The following DOCK1 variants were observed in gnomAD, a reference collection of about 807,000 sequenced individuals.
DOCK1 encodes the protein dedicator of cytokinesis 1.
Under a neutral mutation model 262.7 loss-of-function variants are expected in DOCK1, and 138 were observed. That is an observed-to-expected ratio of 0.53 (90% confidence interval 0.46 to 0.61). The LOEUF is 0.61. Ranked by LOEUF, DOCK1 falls within the 20% of genes least tolerant of loss-of-function variation. The probability of loss-of-function intolerance (pLI) is 0.00; values close to 1 mark genes in which losing one functional copy is unlikely to be tolerated. For synonymous variants in DOCK1, 866 were observed against 867.4 expected, an observed-to-expected ratio of 1.00 and a Z score of 0.03; for missense variants, 1,908 against 2,370.7, an observed-to-expected ratio of 0.80 and a Z score of 4.05.
At chr10:126,919,693 C>T (rs1006459657) in intron 1 of DOCK1, among the ~76,000 whole-genome samples, 1 of 152,202 alleles carries the variant, frequency 6.6e-6, no homozygotes, top group Non-Finnish European at 1.5e-5. Flanking sequence ...TGGATGACCC[C>T]CCGATCCCGC....
At chr10:127,168,298 C>T (rs963664363) in intron 27 of DOCK1, among the ~76,000 whole-genome samples, 1 of 152,168 alleles carries the variant, frequency 6.6e-6, no homozygotes, top group African/African-American at 2.4e-5. Context: ...AGAGAGACAT[C>T]GAAACTGATT....
chr10:126,945,658 T>A (rs1221433810), intron 1 of DOCK1, among the ~76,000 whole-genome samples: 1 of 152,196 alleles, frequency 6.6e-6, no homozygotes, highest in Non-Finnish European at 1.5e-5. Flanking sequence ...AGTCAAATAC[T>A]CTTTACCTGT....
At chr10:127,180,886 G>C (rs992510602) in intron 27 of DOCK1, among the ~76,000 whole-genome samples, 2 of 152,188 alleles carry the variant, frequency 1.3e-5, no homozygotes, top group African/African-American at 2.4e-5. Context: ...CATCGTTGTG[G>C]TATTAAGATA....
chr10:126,992,789 G>C (rs28473612), intron 6 of DOCK1, among the ~76,000 whole-genome samples: 33 of 147,384 alleles, frequency 2.2e-4, no homozygotes, highest in African/African-American at 8.1e-4. Flanking sequence ...CACACACACA[G>C]ACACACACAC....
intron 35 of DOCK1, among the ~76,000 whole-genome samples, chr10:127,374,721 G>A (rs562918110): frequency 6.6e-6 from 1 of 152,152 alleles, no homozygotes; most frequent in Non-Finnish European, 1.5e-5. Context: ...TCCAATGACA[G>A]GTGTCCTCAT....
At chr10:127,264,561 C>T (rs1406570166) in intron 29 of DOCK1, among the ~76,000 whole-genome samples, 1 of 152,114 alleles carries the variant, frequency 6.6e-6, no homozygotes. Flanking sequence ...AAGCTGACTG[C>T]AGGATAAAAC....
intron 27 of DOCK1, among the ~76,000 whole-genome samples, chr10:127,243,191 G>A (rs1365587116): frequency 3.9e-5 from 6 of 152,114 alleles, no homozygotes; most frequent in African/African-American, 1.4e-4. Flanking sequence ...AGCTCCTCAA[G>A]AATATGAATT....
intron 23 of DOCK1, among the ~76,000 whole-genome samples, chr10:127,078,437 C>T (rs867215983): frequency 1.3e-5 from 2 of 152,134 alleles, no homozygotes; most frequent in South Asian, 2.1e-4. Flanking sequence ...ACCTCCTTTC[C>T]ACTCAGCTGC....
chr10:127,060,854 A>C (rs1372462679), intron 22 of DOCK1, among the ~76,000 whole-genome samples: 2 of 152,226 alleles, frequency 1.3e-5, no homozygotes, highest in African/African-American at 2.4e-5. Flanking sequence ...TTGTGATATC[A>C]TTTTAAAGGA....
At chr10:127,104,487 G>A (rs1396831323) in intron 23 of DOCK1, among the ~76,000 whole-genome samples, 1 of 152,200 alleles carries the variant, frequency 6.6e-6, no homozygotes, top group African/African-American at 2.4e-5. Flanking sequence ...TCATGGTACT[G>A]TGTACCTTTG....
chr10:127,263,272 C>T (rs1223506385), intron 29 of DOCK1, among the ~76,000 whole-genome samples: 1 of 72,710 alleles, frequency 1.4e-5, no homozygotes, highest in Admixed American at 1.3e-4. Flanking sequence ...CTAGCATTGT[C>T]ATAAAGTAAT....
At chr10:127,316,326 C>T (rs928902432) in intron 29 of DOCK1, among the ~76,000 whole-genome samples, 4 of 152,140 alleles carry the variant, frequency 2.6e-5, no homozygotes, top group Admixed American at 1.3e-4. Context: ...CCACTCACCC[C>T]GCCTTTATTT....
chr10:127,312,867 T>C (rs1226825899), intron 29 of DOCK1, among the ~76,000 whole-genome samples: 1 of 150,096 alleles, frequency 6.7e-6, no homozygotes, highest in African/African-American at 2.5e-5. Context: ...CCTGCTGGTC[T>C]CTGGACCTCC....
intron 1 of DOCK1, among the ~76,000 whole-genome samples, chr10:126,951,224 GTGA>G (rs1451114637): frequency 6.6e-6 from 1 of 150,850 alleles, no homozygotes; most frequent in Non-Finnish European, 1.5e-5. Flanking sequence ...GGTAATATTG[GTGA>G]TGGTGGTAGT....
Position 127,157,321 on chromosome 10 carries a change from G to GA in DOCK1, c.2847+29564dup, listed in dbSNP as rs554904155. On this transcript the variant is annotated intron_variant, in intron 27 of 51. Transcript: ENST00000623213. ...ATGATGTTCCTCTGTTTGCAAGTCA[G>GA]AAAAAAAGGCCAGTGCTGCTGGAAT... Among the ~76,000 whole-genome samples the GA allele has an allele frequency of 8.5e-5, 13 of 152,250 alleles. No individual in the cohort carries two copies. In the South Asian group the frequency reaches 2.7e-3, roughly 32 times the overall value.
chr10:127,032,025 T>A, intron 17 of DOCK1, 112 bp from the exon 18 acceptor site: 2 of 1,313,142 alleles, frequency 1.5e-6, no homozygotes, highest in Non-Finnish European at 2.1e-6. Flanking sequence ...GTATTTAATA[T>A]GATACAAAGC....
intron 38 of DOCK1, among the ~76,000 whole-genome samples, chr10:127,394,764 A>G (rs906237064): frequency 1.3e-5 from 2 of 152,102 alleles, no homozygotes; most frequent in Non-Finnish European, 2.9e-5. Context: ...AAGCTTTTCC[A>G]CCCAAAGCCC....
intron 1 of DOCK1, among the ~76,000 whole-genome samples, chr10:126,951,314 T>C (rs1312033096): frequency 6.6e-6 from 1 of 150,934 alleles, no homozygotes; most frequent in Non-Finnish European, 1.5e-5. Flanking sequence ...GGTAGTATTG[T>C]TGGTAGTATT....
chr10:127,292,538 C>A (rs959331007), intron 29 of DOCK1, among the ~76,000 whole-genome samples: 1 of 152,040 alleles, frequency 6.6e-6, no homozygotes, highest in African/African-American at 2.4e-5. Flanking sequence ...CAAACAGGGG[C>A]CTTGGGGCTG....
Sources: allele counts gnomAD v4.1 joint callset (sites outside exome capture counted in the v4.1 genomes callset), GRCh38; gene constraint gnomAD v4.1.1; transcripts MANE v1.5; gene names NCBI Gene and HGNC (gene_info 2026-07-23, HGNC 2026-07-21).